The following NTM variants were observed in gnomAD, a reference collection of about 807,000 sequenced individuals.
The protein encoded by NTM is neurotrimin.
In NTM, 13 loss-of-function variants were observed where a neutral mutation model predicts 42.1. The observed-to-expected ratio is 0.31, with a 90% CI of 0.20 to 0.49. The LOEUF is 0.49. Ranked by LOEUF, NTM falls within the 20% of genes least tolerant of loss-of-function variation. The pLI, the probability that NTM is intolerant of heterozygous loss-of-function variation, is 0.99. For missense variants in NTM, 373 were observed against 452.8 expected (o/e 0.82, Z 1.60); for synonymous variants, 187 against 179.2 (o/e 1.04, Z -0.35).
At chr11:132,181,021 A>T (rs1189090108) in intron 3 of NTM, among the ~76,000 whole-genome samples, 1 of 151,544 alleles carries the variant, frequency 6.6e-6, no homozygotes, top group Admixed American at 6.6e-5. Context: ...AAGTTATACA[A>T]GTAAGACAAG....
At chr11:132,044,074 A>T (rs1286929130) in intron 2 of NTM, among the ~76,000 whole-genome samples, 3 of 95,926 alleles carry the variant, frequency 3.1e-5, no homozygotes, top group Admixed American at 1.2e-4. Flanking sequence ...GTGTATGTGT[A>T]TGTGTTTGTG....
chr11:132,094,532 C>A (rs2060734708), intron 2 of NTM, among the ~76,000 whole-genome samples: 1 of 152,022 alleles, frequency 6.6e-6, no homozygotes. Flanking sequence ...TTAGGAAGAC[C>A]AAAAATGAAT....
chr11:131,483,416 G>A (rs998257950), intron 1 of NTM, among the ~76,000 whole-genome samples: 1 of 152,172 alleles, frequency 6.6e-6, no homozygotes, highest in Non-Finnish European at 1.5e-5. Flanking sequence ...GCAAACTGAG[G>A]CCTAGTGCCA....
At chr11:131,849,998 G>A (rs2045355431) in intron 1 of NTM, among the ~76,000 whole-genome samples, 2 of 143,556 alleles carry the variant, frequency 1.4e-5, no homozygotes, top group South Asian at 4.3e-4. Context: ...ATAATAATAA[G>A]ACCTCAGATC....
At chr11:132,078,675 G>T (rs2058664062) in intron 2 of NTM, among the ~76,000 whole-genome samples, 1 of 152,138 alleles carries the variant, frequency 6.6e-6, no homozygotes, top group Non-Finnish European at 1.5e-5. Context: ...ATTCAGCAGA[G>T]GACCCCAGTG....
chr11:131,786,758 G>A lies in NTM; in HGVS notation c.83-124806G>A, dbSNP rs187609853. ...AAATTAGAGGTTGTACCTGCAGGAG[G>A]CTATTCCCATCATCAACACTGGTTA... On this transcript the variant is annotated intron_variant, in intron 1 of 8. Transcript: ENST00000683400. 1.7e-4 allele frequency among the ~76,000 whole-genome samples: 26 copies of A among 152,272 alleles called. 1 individual carries two copies. Among genetic ancestry groups the A allele is most frequent in the Admixed American group, 1.6e-3 (24 of 15,302 alleles).
chr11:132,058,497 A>T (rs2080086557), intron 2 of NTM, among the ~76,000 whole-genome samples: 1 of 152,164 alleles, frequency 6.6e-6, no homozygotes. Flanking sequence ...CTGCAATGAG[A>T]TGACTAATGC....
intron 1 of NTM, among the ~76,000 whole-genome samples, chr11:131,614,866 G>T (rs2061772613): frequency 6.6e-6 from 1 of 152,216 alleles, no homozygotes; most frequent in African/African-American, 2.4e-5. Flanking sequence ...TCCCTCACGT[G>T]ACCAGCAGCA....
intron 4 of NTM, among the ~76,000 whole-genome samples, chr11:132,294,377 T>C (rs557650501): frequency 6.6e-6 from 1 of 152,152 alleles, no homozygotes; most frequent in Non-Finnish European, 1.5e-5. Flanking sequence ...GCTCTTGTAC[T>C]GTACCATGGA....
chr11:131,596,420 G>C (rs185342426), intron 1 of NTM, among the ~76,000 whole-genome samples: 215 of 152,340 alleles, frequency 1.4e-3, no homozygotes, highest in Admixed American at 4.6e-3. Flanking sequence ...AATGGCAGTG[G>C]CTGTGCTCCA....
intron 2 of NTM, among the ~76,000 whole-genome samples, chr11:132,064,547 A>C (rs929200396): frequency 6.6e-6 from 1 of 152,210 alleles, no homozygotes; most frequent in Non-Finnish European, 1.5e-5. Flanking sequence ...ATGAAGAGTT[A>C]ATAGTGAGGC....
rs561394963 is a variant in NTM at position 131,765,863 on chromosome 11, G to GTATA, written c.83-145700_83-145697dup. On this transcript the variant is annotated intron_variant, in intron 1 of 8. Transcript: ENST00000683400. ...AGAGCATAGAATCAAGAAGCCCTGAGTATACACTCCCATTAGCTGCAGTTA... is the reference window on the plus strand; with the variant it reads ...AGAGCATAGAATCAAGAAGCCCTGAGTATATATACACTCCCATTAGCTGCAGTTA... Among the ~76,000 whole-genome samples, 274 of 152,318 alleles carry GTATA rather than the reference G, an allele frequency of 1.8e-3. 2 individuals carry two copies. The highest frequency in any genetic ancestry group is 0.014 in the Admixed American group (215 of 15,302).
At chr11:131,969,366 A>G (rs538364045) in intron 2 of NTM, among the ~76,000 whole-genome samples, 2 of 152,304 alleles carry the variant, frequency 1.3e-5, no homozygotes, top group East Asian at 1.9e-4. Flanking sequence ...TTCTCTTCCT[A>G]TGCTAGAATC....
At chr11:131,951,320 A>T (rs1334808477) in intron 2 of NTM, among the ~76,000 whole-genome samples, 1 of 152,082 alleles carries the variant, frequency 6.6e-6, no homozygotes, top group Non-Finnish European at 1.5e-5. Context: ...TGCCTTAGCC[A>T]CTTAACAGCC....
intron 1 of NTM, among the ~76,000 whole-genome samples, chr11:131,601,215 A>G (rs948206027): frequency 1.3e-5 from 2 of 152,202 alleles, no homozygotes; most frequent in Non-Finnish European, 2.9e-5. Context: ...TTCGGGGAGC[A>G]TACAGATGGA....
chr11:131,822,696 TCTCA>T (rs1291164928), intron 1 of NTM, among the ~76,000 whole-genome samples: 1 of 152,216 alleles, frequency 6.6e-6, no homozygotes, highest in Non-Finnish European at 1.5e-5. Flanking sequence ...TCAGATGTGT[TCTCA>T]TATTTGAGTG....
intron 1 of NTM, among the ~76,000 whole-genome samples, chr11:131,617,214 A>C (rs1019143649): frequency 7.9e-5 from 12 of 151,794 alleles, no homozygotes; most frequent in Admixed American, 5.9e-4. Flanking sequence ...TGTTGCAGAG[A>C]GTGCTGAGAG....
chr11:132,125,484 CTG>C (rs1491154852), intron 2 of NTM, among the ~76,000 whole-genome samples: 3 of 37,162 alleles, frequency 8.1e-5, no homozygotes, highest in Non-Finnish European at 1.7e-4. Context: ...TGTGATGTGT[CTG>C]TGATGCGTGT....
chr11:131,665,782 C>T (rs558392792), intron 1 of NTM, among the ~76,000 whole-genome samples: 139 of 152,314 alleles, frequency 9.1e-4, no homozygotes, highest in African/African-American at 3.2e-3. Flanking sequence ...CCGTGGGCCA[C>T]GGAAAAGAGG....
Sources: allele counts gnomAD v4.1 joint callset (sites outside exome capture counted in the v4.1 genomes callset), GRCh38; gene constraint gnomAD v4.1.1; transcripts MANE v1.5; gene names NCBI Gene and HGNC (gene_info 2026-07-23, HGNC 2026-07-21).